Variants in ARFRP1 observed in about 807,000 individuals in gnomAD.
ARFRP1 encodes the protein ADP-ribosylation factor-related protein 1.
Under a neutral mutation model 30.3 loss-of-function variants are expected in ARFRP1, and 19 were observed. The observed-to-expected ratio is 0.63, with a 90% CI of 0.44 to 0.92. ARFRP1 has a LOEUF of 0.92. ARFRP1 is among the 40% of genes least tolerant of loss of function. The pLI is 0.00. For synonymous variants in ARFRP1, 133 were observed against 114.2 expected (o/e 1.16, Z -1.05); for missense variants, 245 against 267.5 (o/e 0.92, Z 0.59).
intron 4 of ARFRP1, chr20:63,703,396 A>C (rs374151727): frequency 7.9e-5 from 12 of 152,426 alleles, no homozygotes; most frequent in African/African-American, 1.9e-4. Flanking sequence ...GGAAAGGAGG[A>C]GGCCCAAGGC....
chr20:63,706,976 C>T (rs756061238), intron 2 of ARFRP1, 23 bp downstream of exon 2: 7 of 1,611,756 alleles, frequency 4.3e-6, no homozygotes, highest in Non-Finnish European at 5.9e-6. Flanking sequence ...GGGAAAGGTG[C>T]GCGCAAGGGC....
chr20:63,701,468 G>A (rs2091202020), intron 6 of ARFRP1: 2 of 479,560 alleles, frequency 4.2e-6, no homozygotes, highest in Non-Finnish European at 4.1e-6. Context: ...AAGGGTCAGA[G>A]CTGACTCCCA....
intron 5 of ARFRP1, 115 bp from the exon 6 acceptor site, chr20:63,702,015 C>CTTA: frequency 8.7e-7 from 1 of 1,155,398 alleles, no homozygotes; most frequent in Non-Finnish European, 1.2e-6. Context: ...CCCCCCCCGT[C>CTTA]ACCCACTAGG....
intron 6 of ARFRP1, 167 bp downstream of exon 6, chr20:63,701,663 G>C: frequency 1.5e-6 from 1 of 657,712 alleles, no homozygotes; most frequent in Non-Finnish European, 2.6e-6. Flanking sequence ...GGTCTGGAGA[G>C]GAACCAGGCT....
At chr20:63,701,436 T>G (rs553168162) in intron 6 of ARFRP1, 1 of 496,258 alleles carries the variant, frequency 2.0e-6, no homozygotes, top group South Asian at 1.6e-5. Flanking sequence ...AGATGCCACC[T>G]CCAAGGGTAG....
intron 6 of ARFRP1, 65 bp from the exon 7 acceptor site, chr20:63,700,767 G>C: frequency 6.4e-7 from 1 of 1,574,688 alleles, no homozygotes. Flanking sequence ...GTGGGCCCGG[G>C]ACTCTCAGAA....
intron 6 of ARFRP1, chr20:63,701,367 C>CG (rs1439449174): frequency 3.7e-6 from 2 of 538,202 alleles, no homozygotes; most frequent in African/African-American, 3.8e-5. Context: ...CCAGTGCTCC[C>CG]GGGGGCAGTG....
At position 63,701,863 on chromosome 20, in the gene ARFRP1, G is replaced by A. The variant is rs780399623; in HGVS notation, c.384C>T (p.Pro128=). Residue 128 remains proline, a synonymous_variant, in exon 6 of 8, where the codon CCC becomes CCT. Transcript: ENST00000622789. ...CCTGCTTGTTGGCCAGCACCAAGAC[G>A]GGGACACCGCACAGCGCCTCGCTGG... The part of the protein sequence containing the change: ...VVTSEALCGV[P]VLVLANKQDV... The A allele has an allele frequency of 3.3e-5, 51 of 1,550,402 alleles. No individual in the cohort carries two copies. Among genetic ancestry groups the A allele is most frequent in the African/African-American group, 2.5e-4 (18 of 73,012 alleles).
rs1052755644 is a variant in ARFRP1 at position 63,700,204 on chromosome 20, T to C, written c.*239A>G. 15 of 576,432 alleles carry C rather than the reference T, an allele frequency of 2.6e-5. No individual in the cohort carries two copies. Among genetic ancestry groups the C allele is most frequent in the African/African-American group, 2.3e-4 (12 of 53,034 alleles). The allele number at this position is 576,432 out of a possible 1,614,324, so 35.7% of individuals were successfully genotyped here. ...GCCTCGAAAGGCCGCCGCTGCGCCC[T>C]GTGGAAAGGCTGCCGCTGCAGGGCC... On this transcript the variant is annotated 3_prime_UTR_variant, in exon 8 of 8. Transcript: ENST00000622789.
intron 6 of ARFRP1, chr20:63,701,183 C>T (rs770555064): frequency 3.9e-6 from 2 of 518,852 alleles, no homozygotes; most frequent in South Asian, 1.4e-5. Flanking sequence ...AGACCCCTGC[C>T]CCGTACCAGA....
chr20:63,706,459 G>A lies in ARFRP1; in HGVS notation c.182-20C>T, dbSNP rs766719308. 6.8e-6 allele frequency: 11 copies of A among 1,611,502 alleles called. No individual in the cohort carries two copies. Among genetic ancestry groups the A allele is most frequent in the Middle Eastern group, 1.7e-4 (1 of 6,042 alleles). On this transcript the variant is annotated intron_variant, in intron 3 of 7. Coordinates refer to ENST00000622789, the MANE Select transcript of ARFRP1 (RefSeq NM_001267547.3). The stretch of plus-strand genomic sequence containing the variant: ...TGCCGACTGGGGAGAGGAGGAAACA[G>A]GCAAGGCTCATGACCTTGGTCCTCG...
intron 4 of ARFRP1, 58 bp from the exon 5 acceptor site, chr20:63,702,275 G>A (rs1479694497): frequency 6.6e-7 from 1 of 1,523,906 alleles, no homozygotes. Flanking sequence ...GGCCAGCAGA[G>A]CCAGGCCTGT....
chr20:63,700,973 C>T (rs765584249), intron 6 of ARFRP1, among the ~76,000 whole-genome samples: 19 of 152,182 alleles, frequency 1.2e-4, no homozygotes, highest in Admixed American at 1.2e-3. Flanking sequence ...CACCCTGAGC[C>T]CCGAGGTGGG....
chr20:63,701,800 G>C (rs950788336), intron 6 of ARFRP1, 30 bp downstream of exon 6: 2 of 1,547,366 alleles, frequency 1.3e-6, no homozygotes, highest in Non-Finnish European at 1.7e-6. Context: ...GACTCGGGAA[G>C]CTGCTGCGGG....
chr20:63,701,562 C>T (rs1055718758), intron 6 of ARFRP1: 8 of 582,848 alleles, frequency 1.4e-5, no homozygotes, highest in South Asian at 6.0e-5. Context: ...GAGACACGGC[C>T]GCCCTCCTGG....
intron 1 of ARFRP1, chr20:63,707,345 C>T (rs1277917243): frequency 4.3e-6 from 2 of 461,334 alleles, no homozygotes; most frequent in Admixed American, 3.7e-5. Context: ...GGCCCCTCCC[C>T]TGCTCGCGGG....
rs543416544 is a variant in ARFRP1, at chr20:63,701,611, G to A, written c.417+219C>T. On this transcript the variant is annotated intron_variant, in intron 6 of 7. Transcript: ENST00000622789. Reference sequence around the variant, plus strand: ...GCATAGCAGGAAGAGGCCTCTGGGCGCCTGCCCTGAGGTGGGAGAACCTCC... The same window carrying A: ...GCATAGCAGGAAGAGGCCTCTGGGCACCTGCCCTGAGGTGGGAGAACCTCC... 4.7e-4 allele frequency: 282 copies of A among 596,322 alleles called. 4 individuals are homozygous for A. The highest frequency in any genetic ancestry group is 4.1e-3 in the South Asian group (206 of 49,880). The allele number at this position is 596,322 out of a possible 1,614,324, so 36.9% of individuals were successfully genotyped here.
In ARFRP1 at chr20:63,700,532, T is replaced by A. The variant is rs2091149269; in HGVS notation, c.519-2A>T. ...TCGATGCCCTCGCGCACCCCTTTGC[T>A]GTGAAGACAGCGGGTGTGAGGCGGG... On this transcript the variant is annotated splice_acceptor_variant, in intron 7 of 7. Transcript: ENST00000622789. LOFTEE classifies it high-confidence loss of function. 1.9e-6 allele frequency: 3 copies of A among 1,610,818 alleles called. No individual in the cohort carries two copies. The highest frequency in any genetic ancestry group is 2.5e-6 in the Non-Finnish European group (3 of 1,179,876).
intron 4 of ARFRP1, chr20:63,705,568 T>C (rs2091412993): frequency 4.1e-6 from 2 of 485,918 alleles, no homozygotes; most frequent in Non-Finnish European, 8.5e-6. Context: ...AGACTGCCGC[T>C]GTGAGACCCT....
Sources: allele counts gnomAD v4.1 joint callset (sites outside exome capture counted in the v4.1 genomes callset), GRCh38; gene constraint gnomAD v4.1.1; transcripts MANE v1.5; gene names NCBI Gene and HGNC (gene_info 2026-07-23, HGNC 2026-07-21).